NDUFS4: variants seen among roughly 807,000 people sequenced by gnomAD.
NDUFS4 encodes NADH dehydrogenase [ubiquinone] iron-sulfur protein 4, mitochondrial.
A neutral mutation model predicts 24.3 loss-of-function variants in NDUFS4; 28 were observed. The ratio of observed to expected loss-of-function variants is 1.15; its 90% CI spans 0.85 to 1.58. The LOEUF is 1.58. Ranked by LOEUF, NDUFS4 falls within the 40% of genes most tolerant of loss-of-function variation. The pLI is 0.00. For missense variants in NDUFS4, 223 were observed against 207.9 expected (o/e 1.07, Z -0.45); for synonymous variants, 93 against 69.7 (o/e 1.34, Z -1.67).
chr5:53,619,486 CAAAAA>C (rs70983366), intron 2 of NDUFS4, among the ~76,000 whole-genome samples: 7 of 49,106 alleles, frequency 1.4e-4, no homozygotes, highest in Admixed American at 7.7e-4. Context: ...GACTCTGTCT[CAAAAA>C]AAAAAAAAAA....
At chr5:53,565,810 G>A (rs376214601) in intron 1 of NDUFS4, among the ~76,000 whole-genome samples, 6 of 152,318 alleles carry the variant, frequency 3.9e-5, no homozygotes, top group African/African-American at 1.4e-4. Flanking sequence ...GGAAATGAAT[G>A]TTTGGGAAAG....
intron 1 of NDUFS4, among the ~76,000 whole-genome samples, chr5:53,599,098 A>G (rs559108850): frequency 1.3e-5 from 2 of 152,204 alleles, no homozygotes; most frequent in Non-Finnish European, 2.9e-5. Context: ...ATGATTACAC[A>G]TTAGTCATTG....
At chr5:53,588,016 A>G (rs183925205) in intron 1 of NDUFS4, among the ~76,000 whole-genome samples, 86 of 152,300 alleles carry the variant, frequency 5.6e-4, no homozygotes, top group Admixed American at 2.3e-3. Context: ...AGAGAGGCCA[A>G]TTATTAATAA....
chr5:53,582,450 C>T (rs565991658), intron 1 of NDUFS4, among the ~76,000 whole-genome samples: 14 of 152,210 alleles, frequency 9.2e-5, no homozygotes, highest in Admixed American at 3.3e-4. Flanking sequence ...CTCACTCAGA[C>T]CGTGGCCATG....
intron 2 of NDUFS4, among the ~76,000 whole-genome samples, chr5:53,617,673 C>T (rs1750885024): frequency 6.6e-6 from 1 of 152,116 alleles, no homozygotes; most frequent in Non-Finnish European, 1.5e-5. Flanking sequence ...GGTGCCCCAC[C>T]CTCTAAGCAC....
In NDUFS4 at chr5:53,564,103, T is replaced by C. The variant is rs143079291; in HGVS notation, c.98+3343T>C. On this transcript the variant is annotated intron_variant, in intron 1 of 4. Transcript: ENST00000296684. ...GGGGACTGAGTGTTTGGGACCTGTT[T>C]GTGAGGTCTCTTTTATGCCCTGATC... is the stretch of plus-strand genomic sequence containing the variant. Among the ~76,000 whole-genome samples the C allele has an allele frequency of 9.1e-3, 1,392 of 152,330 alleles. 17 individuals carry two copies. Among genetic ancestry groups the C allele is most frequent in the African/African-American group, 0.032 (1,318 of 41,566 alleles).
intron 1 of NDUFS4, among the ~76,000 whole-genome samples, chr5:53,564,411 G>GT (rs1748954010): frequency 6.6e-6 from 1 of 152,174 alleles, no homozygotes; most frequent in African/African-American, 2.4e-5. Flanking sequence ...CCAAGCCAAA[G>GT]TTTGAGAGCT....
chr5:53,646,422 A>G lies in NDUFS4; in HGVS notation c.350+17A>G. The G allele has an allele frequency of 1.2e-6, 2 of 1,611,304 alleles. No individual in the cohort carries two copies. The highest frequency in any genetic ancestry group is 1.7e-6 in the Non-Finnish European group (2 of 1,177,690). On this transcript the variant is annotated intron_variant, in intron 3 of 4. Transcript: ENST00000296684. Reference sequence around the variant, plus strand: ...GGCATCAACGTGAGTACTTTATTTTAATGTGAATATTGTCAGCTATCTTTT... The same window carrying G: ...GGCATCAACGTGAGTACTTTATTTTGATGTGAATATTGTCAGCTATCTTTT...
At chr5:53,680,376 T>TAA (rs1740622228) in intron 4 of NDUFS4, among the ~76,000 whole-genome samples, 1 of 152,158 alleles carries the variant, frequency 6.6e-6, no homozygotes. Flanking sequence ...CATGCTGCTA[T>TAA]AAAGACACAT....
intron 1 of NDUFS4, among the ~76,000 whole-genome samples, chr5:53,585,137 A>G (rs564775628): frequency 1.3e-5 from 2 of 152,324 alleles, no homozygotes; most frequent in East Asian, 3.9e-4. Context: ...TCAGTTGAAG[A>G]AGTACTGGTT....
intron 4 of NDUFS4, among the ~76,000 whole-genome samples, chr5:53,664,685 G>T (rs1752457746): frequency 6.6e-6 from 1 of 152,106 alleles, no homozygotes; most frequent in African/African-American, 2.4e-5. Context: ...GCTCCATCAG[G>T]TCCTTTAAGG....
intron 2 of NDUFS4, among the ~76,000 whole-genome samples, chr5:53,634,847 A>G (rs1751503645): frequency 6.6e-6 from 1 of 152,036 alleles, no homozygotes; most frequent in South Asian, 2.1e-4. Context: ...AGCTTCTGAA[A>G]AGCTGCCAGG....
chr5:53,571,977 C>T (rs1749223773), intron 1 of NDUFS4, among the ~76,000 whole-genome samples: 1 of 152,122 alleles, frequency 6.6e-6, no homozygotes, highest in African/African-American at 2.4e-5. Flanking sequence ...CATGGTTGAG[C>T]CCCCTACAAC....
At chr5:53,673,141 A>G (rs1740337592) in intron 4 of NDUFS4, among the ~76,000 whole-genome samples, 1 of 152,182 alleles carries the variant, frequency 6.6e-6, no homozygotes, top group Non-Finnish European at 1.5e-5. Context: ...CATATAGCAT[A>G]CAATTTTGGT....
intron 2 of NDUFS4, among the ~76,000 whole-genome samples, chr5:53,624,838 T>C (rs1479196260): frequency 6.6e-6 from 1 of 152,224 alleles, no homozygotes; most frequent in Admixed American, 6.5e-5. Context: ...TTGCTCTGGC[T>C]AGAACTTCCA....
chr5:53,683,117 G>A lies in NDUFS4; in HGVS notation c.425-1G>A, dbSNP rs1561407559. The A allele has an allele frequency of 6.3e-7, 1 of 1,585,760 alleles. No individual in the cohort carries two copies. The highest frequency in any genetic ancestry group is 2.2e-5 in the East Asian group (1 of 44,636). ...GATTTGTCTTTGTTTTTTCCTCCTA[G>A]GATGGAGCTATGACATTGAAGAGAG... On this transcript the variant is annotated splice_acceptor_variant, in intron 4 of 4. Transcript: ENST00000296684. LOFTEE classifies it high-confidence loss of function.
At chr5:53,633,187 G>A (rs561269606) in intron 2 of NDUFS4, among the ~76,000 whole-genome samples, 1 of 152,236 alleles carries the variant, frequency 6.6e-6, no homozygotes, top group African/African-American at 2.4e-5. Flanking sequence ...TTCTGTAACA[G>A]TTCTGTTGAA....
At chr5:53,670,130 C>A (rs143942528) in intron 4 of NDUFS4, among the ~76,000 whole-genome samples, 6 of 151,964 alleles carry the variant, frequency 3.9e-5, no homozygotes, top group African/African-American at 1.4e-4. Flanking sequence ...TGAATTGCTT[C>A]CAAACTGCAT....
At chr5:53,621,732 C>T (rs1257737269) in intron 2 of NDUFS4, among the ~76,000 whole-genome samples, 7 of 107,432 alleles carry the variant, frequency 6.5e-5, no homozygotes, top group South Asian at 3.3e-4. Context: ...GACGGAGTTT[C>T]GCTCTGTCGC....
Sources: gnomAD v4.1 joint callset for allele counts (sites outside exome capture counted in the v4.1 genomes callset) on GRCh38, gnomAD v4.1.1 for gene constraint, MANE v1.5 for transcripts, NCBI Gene and HGNC (gene_info 2026-07-23, HGNC 2026-07-21) for gene names.